Variants in MC2R observed in about 807,000 individuals in gnomAD.
MC2R encodes melanocortin 2 receptor.
Under a neutral mutation model 9.8 loss-of-function variants are expected in MC2R, and 9 were observed. The ratio of observed to expected loss-of-function variants is 0.92; its 90% CI spans 0.55 to 1.60. The LOEUF (loss-of-function observed/expected upper bound fraction) is 1.60, where lower values mean the gene tolerates loss of function less well. Ranked by LOEUF, MC2R falls within the 40% of genes most tolerant of loss-of-function variation. The pLI, the probability that MC2R is intolerant of heterozygous loss-of-function variation, is 0.00. For synonymous variants in MC2R, 185 were observed against 154.7 expected, an observed-to-expected ratio of 1.20 and a Z score of -1.45; for missense variants, 370 against 389.0, an observed-to-expected ratio of 0.95 and a Z score of 0.41.
chr18:13,910,391 T>C (rs547499851), intron 1 of MC2R, among the ~76,000 whole-genome samples: 1 of 152,354 alleles, frequency 6.6e-6, no homozygotes, highest in African/African-American at 2.4e-5. Flanking sequence ...ACTTTGTTGT[T>C]CTTTTTCACT....
At chr18:13,907,580 G>A (rs564229116) in intron 1 of MC2R, among the ~76,000 whole-genome samples, 32 of 152,262 alleles carry the variant, frequency 2.1e-4, no homozygotes, top group African/African-American at 7.5e-4. Flanking sequence ...ACAAAGTGAA[G>A]AGACAACTCA....
At position 13,885,204 on chromosome 18, in the gene MC2R, G is replaced by A. The variant is rs751997978; in HGVS notation, c.315C>T (p.Ile105=). ...GGGAGAGGACAAACAGGGAGTCGAT[G>A]ATGTCATCGGCTGTGGTTTCAAAAC... ...RGSFETTADD[I]IDSLFVLSLL... is the part of the protein sequence containing the mutation. The change falls in exon 2 of 2, where the codon ATC becomes ATT. Residue 105 remains isoleucine, a synonymous_variant. Transcript: ENST00000327606. The A allele has an allele frequency of 3.7e-6, 6 of 1,614,184 alleles. No homozygotes were observed. The highest frequency in any genetic ancestry group is 3.3e-5 in the Admixed American group (2 of 60,022).
chr18:13,906,005 C>T (rs11878097), intron 1 of MC2R, among the ~76,000 whole-genome samples: 9,886 of 152,080 alleles, frequency 0.065, 1,002 homozygotes, highest in African/African-American at 0.22. Context: ...ATCTTAGAGG[C>T]GGAGGTTGCA....
At position 13,884,758 on chromosome 18, in the gene MC2R, T is replaced by G; in HGVS notation, c.761A>C (p.Tyr254Ser). 1 of 1,614,020 alleles carries G rather than the reference T, an allele frequency of 6.2e-7. No individual in the cohort carries two copies. The highest frequency in any genetic ancestry group is 8.5e-7 in the Non-Finnish European group (1 of 1,179,986). Reference sequence around the variant, plus strand: ...GCCGTTCACCTGGAAGAGAGACATGTAGCAGGCGCAGTAGGGGTTACTTGG... The same window carrying G: ...GCCGTTCACCTGGAAGAGAGACATGGAGCAGGCGCAGTAGGGGTTACTTGG... ...FCPSNPYCACYMSLFQVNGML... is the reference protein window; with the variant it reads ...FCPSNPYCACSMSLFQVNGML... The change falls in exon 2 of 2, where the codon TAC becomes TCC. Residue 254 changes from tyrosine to serine, a missense_variant. Coordinates refer to ENST00000327606, the MANE Select transcript of MC2R (RefSeq NM_000529.2).
intron 1 of MC2R, among the ~76,000 whole-genome samples, chr18:13,913,401 T>C (rs1473663780): frequency 6.6e-6 from 1 of 152,218 alleles, no homozygotes; most frequent in Non-Finnish European, 1.5e-5. Context: ...GTTTTGATGC[T>C]GGGACACCTA....
At chr18:13,901,661 A>G (rs1377326115) in intron 1 of MC2R, among the ~76,000 whole-genome samples, 1 of 152,184 alleles carries the variant, frequency 6.6e-6, no homozygotes, top group Non-Finnish European at 1.5e-5. Flanking sequence ...AGATACATAT[A>G]ACCTAACAAG....
At chr18:13,901,606 A>G (rs1174812582) in intron 1 of MC2R, among the ~76,000 whole-genome samples, 1 of 152,090 alleles carries the variant, frequency 6.6e-6, no homozygotes, top group Admixed American at 6.5e-5. Flanking sequence ...ATGAGTAACT[A>G]TATGCCTGTA....
chr18:13,883,621 A>T lies in MC2R; in HGVS notation c.*1004T>A, dbSNP rs1313532679. On this transcript the variant is annotated 3_prime_UTR_variant, in exon 2 of 2. Coordinates refer to ENST00000327606, the MANE Select transcript of MC2R (RefSeq NM_000529.2). ...CACACACACACACACACACACACAC[A>T]CACACACTCTCTCTCTCTCTCTCTC... 194 of 76,018 alleles carry T rather than the reference A, an allele frequency of 2.6e-3. 1 individual carries two copies. The highest frequency in any genetic ancestry group is 0.01 in the African/African-American group (183 of 18,220). The allele number at this position is 76,018 out of a possible 1,614,324, so 4.7% of individuals were successfully genotyped here. A position where few individuals can be genotyped will look rare whatever the true frequency, so the allele number is the denominator to read the frequency against.
intron 1 of MC2R, among the ~76,000 whole-genome samples, chr18:13,914,638 GTATGTGTGTA>G (rs931997459): frequency 1.3e-5 from 2 of 152,324 alleles, no homozygotes; most frequent in East Asian, 1.9e-4. Context: ...GTGTGCACGT[GTATGTGTGTA>G]TATGTGTGTG....
intron 1 of MC2R, among the ~76,000 whole-genome samples, chr18:13,895,840 C>A (rs1319426700): frequency 6.6e-6 from 1 of 152,068 alleles, no homozygotes; most frequent in Non-Finnish European, 1.5e-5. Flanking sequence ...GAGCCATCCG[C>A]AACAGCAACA....
intron 1 of MC2R, among the ~76,000 whole-genome samples, chr18:13,905,472 G>A (rs1426201495): frequency 1.4e-5 from 2 of 140,624 alleles, no homozygotes; most frequent in Admixed American, 7.1e-5. Flanking sequence ...GCAACAGAGC[G>A]AGACTCCCTC....
At chr18:13,905,874 G>A (rs2045411050) in intron 1 of MC2R, among the ~76,000 whole-genome samples, 1 of 152,166 alleles carries the variant, frequency 6.6e-6, no homozygotes, top group African/African-American at 2.4e-5. Flanking sequence ...TGGCCAACAT[G>A]GTGAAACCCC....
intron 1 of MC2R, among the ~76,000 whole-genome samples, chr18:13,914,559 C>T (rs952415865): frequency 2.6e-5 from 4 of 152,184 alleles, no homozygotes; most frequent in African/African-American, 9.7e-5. Flanking sequence ...CTCTGGACCC[C>T]TTTGTACCCC....
At chr18:13,896,858 A>G (rs2045348725) in intron 1 of MC2R, among the ~76,000 whole-genome samples, 2 of 152,238 alleles carry the variant, frequency 1.3e-5, no homozygotes. Flanking sequence ...CTGGTGATTA[A>G]AGATTAGTTA....
chr18:13,885,551 C>T lies in MC2R; in HGVS notation c.-33G>A, dbSNP rs772871986. On this transcript the variant is annotated 5_prime_UTR_variant, in exon 2 of 2. Transcript: ENST00000327606. ...GCTTGTGGTTAAGGCGGGGATGTTA[C>T]TTGGACTTGACTTCACGGAAAACTT... is the stretch of plus-strand genomic sequence containing the variant. The T allele has an allele frequency of 6.2e-6, 10 of 1,612,934 alleles. No homozygotes were observed. Among genetic ancestry groups the T allele is most frequent in the South Asian group, 3.3e-5 (3 of 90,910 alleles).
chr18:13,885,718 A>T lies in MC2R; in HGVS notation c.-128-72T>A. 4.9e-6 allele frequency: 3 copies of T among 607,790 alleles called. No individual in the cohort carries two copies. The South Asian group carries it at 6.1e-5, about 12-fold the overall frequency. 37.6% of individuals were successfully genotyped at this position (607,790 alleles called of 1,614,324 possible). A position where few individuals can be genotyped will look rare whatever the true frequency, so the allele number is the denominator to read the frequency against. On this transcript the variant is annotated intron_variant, in intron 1 of 1. Transcript: ENST00000327606. ...ATAAAAACCAGCCACACTCGCTTAA[A>T]GAAACTCTATTCCCTCCATAAAATA...
intron 1 of MC2R, among the ~76,000 whole-genome samples, chr18:13,890,169 A>G (rs2045307421): frequency 1.3e-5 from 2 of 152,150 alleles, no homozygotes; most frequent in Admixed American, 1.3e-4. Context: ...AATTTAGAGA[A>G]CAGCAAGACC....
At chr18:13,909,291 A>C (rs913031866) in intron 1 of MC2R, among the ~76,000 whole-genome samples, 1 of 152,198 alleles carries the variant, frequency 6.6e-6, no homozygotes, top group Admixed American at 6.5e-5. Context: ...TATCATTCTC[A>C]TTACATCACA....
In MC2R at chr18:13,884,971, G is replaced by A. The variant is rs749994605; in HGVS notation, c.548C>T (p.Pro183Leu). 30 of 1,614,014 alleles carry A rather than the reference G, an allele frequency of 1.9e-5. 1 individual carries two copies. Among genetic ancestry groups the A allele is most frequent in the South Asian group, 1.6e-4 (15 of 91,082 alleles). Residue 183 changes from proline (P) to leucine (L), a missense_variant, in exon 2 of 2, where the codon CCG (proline) becomes CTG (leucine). Coordinates refer to ENST00000327606, the MANE Select transcript of MC2R (RefSeq NM_000529.2). ...GCACAGGATGAAGACCAGCATCAGC[G>A]GGAACAGCGACGTGAAGGTGATCAC... ...PTVITFTSLF[P>L]LMLVFILCLY...
Sources: allele counts gnomAD v4.1 joint callset (sites outside exome capture counted in the v4.1 genomes callset), GRCh38; gene constraint gnomAD v4.1.1; transcripts MANE v1.5; gene names NCBI Gene and HGNC (gene_info 2026-07-23, HGNC 2026-07-21).